The following NCAM2 variants were observed in gnomAD, a reference collection of about 807,000 sequenced individuals.
The protein encoded by NCAM2 is neural cell adhesion molecule 2, also known as N-CAM-2.
NCAM2 carries 30 observed loss-of-function variants against 98.1 expected under a neutral mutation model. The ratio of observed to expected loss-of-function variants is 0.31; its 90% confidence interval spans 0.23 to 0.41. NCAM2 has a LOEUF of 0.41. Among genes scored for constraint, NCAM2 ranks in the 10% least tolerant of loss-of-function variants. The pLI is 1.00. For synonymous variants in NCAM2, 368 were observed against 342.4 expected, an observed-to-expected ratio of 1.07 and a Z score of -0.83; for missense variants, 867 against 1,005.8, an observed-to-expected ratio of 0.86 and a Z score of 1.87.
intron 1 of NCAM2, among the ~76,000 whole-genome samples, chr21:21,093,121 A>G (rs1467856): frequency 0.35 from 53,724 of 151,956 alleles, 12,922 homozygotes; most frequent in African/African-American, 0.68. Flanking sequence ...TAAGAATAAT[A>G]AATTGGGTCA....
At chr21:21,265,354 A>G (rs1293513876) in intron 1 of NCAM2, among the ~76,000 whole-genome samples, 11 of 109,136 alleles carry the variant, frequency 1.0e-4, no homozygotes, top group Non-Finnish European at 7.3e-5. Flanking sequence ...ATGTATGTAT[A>G]TATTATATTA....
In NCAM2 at chr21:21,404,454, T is replaced by C. The variant is rs114717494; in HGVS notation, c.1196-5820T>C. Among the ~76,000 whole-genome samples, 1,180 of 152,236 alleles carry C rather than the reference T, an allele frequency of 7.8e-3. 15 individuals are homozygous for C. The highest frequency in any genetic ancestry group is 0.027 in the African/African-American group (1,132 of 41,534). On this transcript the variant is annotated intron_variant, in intron 9 of 17. Transcript: ENST00000400546. ...TTTGCTTGGCTCTCATTCTGTCTTG[T>C]CTGCAGCCAGGGAAGATGTGCCTTT...
chr21:21,225,558 A>G (rs1019953020), intron 1 of NCAM2, among the ~76,000 whole-genome samples: 1 of 152,106 alleles, frequency 6.6e-6, no homozygotes, highest in Non-Finnish European at 1.5e-5. Flanking sequence ...ATGATGCTAA[A>G]TAACTTATTA....
intron 1 of NCAM2, among the ~76,000 whole-genome samples, chr21:21,044,808 T>TA (rs2064976485): frequency 7.1e-6 from 1 of 140,280 alleles, no homozygotes; most frequent in African/African-American, 2.6e-5. Context: ...TCTACAAAAA[T>TA]AAAAAAATTT....
rs766561830 is a variant in NCAM2, at chr21:21,508,802, T to G, written c.2078-49T>G. 5.0e-6 allele frequency: 6 copies of G among 1,189,442 alleles called. No homozygotes were observed. The East Asian group carries it at 8.2e-5, about 16-fold the overall frequency. 73.7% of individuals were successfully genotyped at this position (1,189,442 alleles called of 1,614,324 possible). ...TTTCTAATTTAGAGGTTTAATACTT[T>G]TTTTCCTTTTTTTTTTTTTTTTTTT... On this transcript the variant is annotated intron_variant, in intron 15 of 17. Coordinates refer to ENST00000400546, the MANE Select transcript of NCAM2 (RefSeq NM_004540.5).
intron 9 of NCAM2, among the ~76,000 whole-genome samples, chr21:21,406,235 T>A (rs1338821267): frequency 6.6e-6 from 1 of 152,092 alleles, no homozygotes; most frequent in African/African-American, 2.4e-5. Flanking sequence ...GTACAGCCAA[T>A]GAGTAGAGTG....
At chr21:21,374,284 A>G (rs1384261320) in intron 9 of NCAM2, among the ~76,000 whole-genome samples, 1 of 151,862 alleles carries the variant, frequency 6.6e-6, no homozygotes, top group Admixed American at 6.6e-5. Context: ...AAAACACAGT[A>G]TCAACTGAAA....
At chr21:21,470,219 C>G (rs770509848) in intron 14 of NCAM2, among the ~76,000 whole-genome samples, 2 of 151,894 alleles carry the variant, frequency 1.3e-5, no homozygotes, top group Non-Finnish European at 2.9e-5. Flanking sequence ...AGCAGAGTCA[C>G]AAATGGAAAT....
intron 8 of NCAM2, among the ~76,000 whole-genome samples, chr21:21,354,116 C>T (rs1032747396): frequency 6.6e-6 from 1 of 151,948 alleles, no homozygotes; most frequent in South Asian, 2.1e-4. Context: ...ATATAAAGTG[C>T]TTATTATATC....
intron 1 of NCAM2, among the ~76,000 whole-genome samples, chr21:21,081,775 A>C (rs953177519): frequency 6.6e-6 from 1 of 151,294 alleles, no homozygotes; most frequent in Non-Finnish European, 1.5e-5. Context: ...CACTCCAGCC[A>C]GGGTGGCAGA....
At position 21,437,862 on chromosome 21, in the gene NCAM2, A is replaced by G. The variant is rs532057155; in HGVS notation, c.1654+5581A>G. On this transcript the variant is annotated intron_variant, in intron 12 of 17. Transcript: ENST00000400546. ...ACTTAGAAGGCTTGTTTTTCTGGCTATCTAGGAGAAGATATTGTTGAAAAT... is the reference window on the plus strand; with the variant it reads ...ACTTAGAAGGCTTGTTTTTCTGGCTGTCTAGGAGAAGATATTGTTGAAAAT... 4.6e-5 allele frequency among the ~76,000 whole-genome samples: 7 copies of G among 152,096 alleles called. No homozygotes were observed. In the South Asian group the frequency reaches 1.4e-3, roughly 32 times the overall value.
At chr21:21,189,580 A>T (rs113827836) in intron 1 of NCAM2, among the ~76,000 whole-genome samples, 11 of 152,300 alleles carry the variant, frequency 7.2e-5, no homozygotes, top group African/African-American at 1.9e-4. Flanking sequence ...ATAAATAAAA[A>T]AAATAAATTC....
At chr21:21,022,288 T>C (rs2064453815) in intron 1 of NCAM2, among the ~76,000 whole-genome samples, 1 of 152,120 alleles carries the variant, frequency 6.6e-6, no homozygotes, top group African/African-American at 2.4e-5. Context: ...TATTGGAAAC[T>C]TAATGAAGAA....
intron 9 of NCAM2, among the ~76,000 whole-genome samples, chr21:21,379,772 G>T (rs964678232): frequency 1.3e-5 from 2 of 151,834 alleles, no homozygotes; most frequent in Admixed American, 1.3e-4. Flanking sequence ...TATGGTATTT[G>T]CACTCATCAG....
At chr21:21,251,120 A>G (rs1022931206) in intron 1 of NCAM2, among the ~76,000 whole-genome samples, 1 of 152,136 alleles carries the variant, frequency 6.6e-6, no homozygotes, top group African/African-American at 2.4e-5. Flanking sequence ...GAGAAAGCTA[A>G]GTGCTCTTTA....
At chr21:21,441,345 T>C (rs1009692562) in intron 12 of NCAM2, among the ~76,000 whole-genome samples, 4 of 152,178 alleles carry the variant, frequency 2.6e-5, no homozygotes, top group Non-Finnish European at 5.9e-5. Context: ...TGATTACTCA[T>C]ACCATCACTT....
At chr21:21,494,894 T>C (rs1209060399) in intron 15 of NCAM2, among the ~76,000 whole-genome samples, 1 of 48,922 alleles carries the variant, frequency 2.0e-5, no homozygotes, top group East Asian at 7.0e-4. Flanking sequence ...ATGTATGAAT[T>C]TGTTTTTAGC....
At position 21,522,632 on chromosome 21, in the gene NCAM2, C is replaced by CTTTTTTTTTT. The variant is rs61635255; in HGVS notation, c.2283-11898_2283-11889dup. 2.6e-3 allele frequency among the ~76,000 whole-genome samples: 319 copies of CTTTTTTTTTT among 124,614 alleles called. 1 individual carries two copies. Among genetic ancestry groups the CTTTTTTTTTT allele is most frequent in the East Asian group, 5.8e-3 (24 of 4,150 alleles). The allele number at this position is 124,614 out of a possible 152,430, so 81.8% of individuals were successfully genotyped here. On this transcript the variant is annotated intron_variant, in intron 16 of 17. Coordinates refer to ENST00000400546, the MANE Select transcript of NCAM2 (RefSeq NM_004540.5). ...AAGTTCTTTTTTTCTTTTTCTTTTT[C>CTTTTTTTTTT]TTTTTTTTTTTTTTTTGAGACAGAG...
At chr21:21,331,517 C>CTCTCTCTCTCTCTCTCTATATATA (rs1483062198) in intron 6 of NCAM2, among the ~76,000 whole-genome samples, 18 of 6,938 alleles carry the variant, frequency 2.6e-3, no homozygotes, top group East Asian at 0.011. Flanking sequence ...CTCTCTCTCT[C>CTCTCTCTCTCTCTCTCTATATATA]TATATATATA....
Sources: gnomAD v4.1 joint callset for allele counts (sites outside exome capture counted in the v4.1 genomes callset) on GRCh38, gnomAD v4.1.1 for gene constraint, MANE v1.5 for transcripts, NCBI Gene and HGNC (gene_info 2026-07-23, HGNC 2026-07-21) for gene names.